Variants in LRP6 observed in about 807,000 individuals in gnomAD.
The protein encoded by LRP6 is LDL receptor related protein 6, also known as low-density lipoprotein receptor-related protein 6.
In LRP6, 43 loss-of-function variants were observed where a neutral mutation model predicts 184.1. The ratio of observed to expected loss-of-function variants is 0.23; its 90% CI spans 0.18 to 0.30. The LOEUF (loss-of-function observed/expected upper bound fraction) is 0.30, where lower values mean the gene tolerates loss of function less well. Among genes scored for constraint, LRP6 ranks in the 10% least tolerant of loss-of-function variants. LRP6 has a pLI of 1.00. For synonymous variants in LRP6, 719 were observed against 684.9 expected, an observed-to-expected ratio of 1.05 and a Z score of -0.78; for missense variants, 1,571 against 2,005.3, an observed-to-expected ratio of 0.78 and a Z score of 4.14.
chr12:12,157,301 C>T (rs530333454), intron 12 of LRP6, among the ~76,000 whole-genome samples: 3 of 152,042 alleles, frequency 2.0e-5, no homozygotes, highest in South Asian at 4.2e-4. Context: ...ACATACATCT[C>T]GAATCCATCA....
chr12:12,254,527 CT>C (rs1200855123), intron 1 of LRP6, among the ~76,000 whole-genome samples: 1 of 152,146 alleles, frequency 6.6e-6, no homozygotes, highest in Non-Finnish European at 1.5e-5. Flanking sequence ...TTATCTTTTT[CT>C]CCCCCGTCTT....
chr12:12,162,441 T>C (rs745771799), intron 9 of LRP6, 22 bp from the exon 10 acceptor site: 2 of 1,576,180 alleles, frequency 1.3e-6, no homozygotes, highest in Non-Finnish European at 1.7e-6. Flanking sequence ...CATTAACAAC[T>C]AAGTCATATG....
At chr12:12,229,734 A>G (rs1367354199) in intron 2 of LRP6, among the ~76,000 whole-genome samples, 1 of 152,230 alleles carries the variant, frequency 6.6e-6, no homozygotes, top group Non-Finnish European at 1.5e-5. Context: ...AAAGTGTGTG[A>G]TAAATATCTC....
At chr12:12,198,807 T>C in intron 3 of LRP6, among the ~76,000 whole-genome samples, 1 of 152,186 alleles carries the variant, frequency 6.6e-6, no homozygotes, top group African/African-American at 2.4e-5. Context: ...GTGCTGGGAT[T>C]ATAGGCGTGA....
intron 2 of LRP6, among the ~76,000 whole-genome samples, chr12:12,207,722 G>A (rs186748589): frequency 1.3e-5 from 2 of 152,092 alleles, no homozygotes; most frequent in South Asian, 2.1e-4. Flanking sequence ...GTCTGCATGT[G>A]TAACGCTACA....
intron 17 of LRP6, 90 bp downstream of exon 17, chr12:12,135,085 C>A: frequency 1.9e-6 from 3 of 1,587,912 alleles, no homozygotes; most frequent in South Asian, 1.1e-5. Context: ...GTAGACAGAG[C>A]AACTTCAATG....
intron 7 of LRP6, among the ~76,000 whole-genome samples, chr12:12,178,905 A>C (rs1284181278): frequency 6.6e-6 from 1 of 152,134 alleles, no homozygotes; most frequent in East Asian, 1.9e-4. Flanking sequence ...TGGGCACTCT[A>C]CAGAATACCT....
At chr12:12,195,327 A>T (rs147196039) in intron 3 of LRP6, among the ~76,000 whole-genome samples, 1 of 152,130 alleles carries the variant, frequency 6.6e-6, no homozygotes, top group Admixed American at 6.5e-5. Flanking sequence ...ACAGTGTATA[A>T]GAGTTCCCTT....
chr12:12,183,768 T>C (rs985128685), intron 5 of LRP6, among the ~76,000 whole-genome samples: 17 of 152,210 alleles, frequency 1.1e-4, no homozygotes, highest in African/African-American at 3.9e-4. Context: ...TTCAAAAATA[T>C]GTTATTTAAA....
At chr12:12,244,709 C>A in intron 1 of LRP6, 54 bp from the exon 2 acceptor site, 2 of 1,572,696 alleles carry the variant, frequency 1.3e-6, no homozygotes, top group Non-Finnish European at 1.7e-6. Context: ...CGTATTGGTT[C>A]TTATAAACTG....
At chr12:12,248,374 A>G (rs1865239811) in intron 1 of LRP6, among the ~76,000 whole-genome samples, 1 of 149,194 alleles carries the variant, frequency 6.7e-6, no homozygotes, top group African/African-American at 2.5e-5. Context: ...TTCATTAGCT[A>G]TTACTCTTTT....
chr12:12,137,269 G>A lies in LRP6; in HGVS notation c.3607+1056C>T, dbSNP rs370714554. 1.8e-4 allele frequency among the ~76,000 whole-genome samples: 28 copies of A among 152,230 alleles called. No homozygotes were observed. The South Asian group carries it at 5.8e-3, about 32-fold the overall frequency. ...CCGGTACCATCATGTATGATCAACA[G>A]TAGTGACTGCTAGGAAGGCACTTTT... On this transcript the variant is annotated intron_variant, in intron 16 of 22. Coordinates refer to ENST00000261349, the MANE Select transcript of LRP6 (RefSeq NM_002336.3).
chr12:12,143,954 C>T (rs771857120), intron 15 of LRP6, among the ~76,000 whole-genome samples: 11 of 152,012 alleles, frequency 7.2e-5, no homozygotes, highest in Non-Finnish European at 1.5e-4. Flanking sequence ...GTACGTTGTA[C>T]GCATTAAGTA....
chr12:12,200,840 A>C (rs1392977190), intron 3 of LRP6, among the ~76,000 whole-genome samples: 1 of 152,208 alleles, frequency 6.6e-6, no homozygotes, highest in African/African-American at 2.4e-5. Flanking sequence ...CACGTCATTT[A>C]TAAGTGATTC....
chr12:12,131,509 A>C (rs1425497465), intron 18 of LRP6, among the ~76,000 whole-genome samples: 1 of 152,226 alleles, frequency 6.6e-6, no homozygotes, highest in East Asian at 1.9e-4. Context: ...TGAAGAATAT[A>C]AAATATGTTA....
rs531456447 is a variant in LRP6, at chr12:12,261,952, A to G, written c.55+4729T>C. ...TTATATAACAAGCCTCCTCAAAAAA[A>G]GCTAAAAAGGCCAGGCGCGGTGGCT... On this transcript the variant is annotated intron_variant, in intron 1 of 22. Transcript: ENST00000261349. 3.6e-4 allele frequency among the ~76,000 whole-genome samples: 55 copies of G among 152,338 alleles called. No homozygotes were observed. The South Asian group carries it at 0.011, about 30-fold the overall frequency.
intron 21 of LRP6, 143 bp from the exon 22 acceptor site, chr12:12,124,805 C>A (rs1949651426): frequency 1.6e-6 from 1 of 628,314 alleles, no homozygotes; most frequent in South Asian, 2.1e-5. Flanking sequence ...GAATTGACCT[C>A]AAACAGTACT....
chr12:12,181,242 A>G lies in LRP6; in HGVS notation c.1174T>C (p.Ser392Pro). 6.2e-7 allele frequency: 1 copy of G among 1,614,138 alleles called. No homozygotes were observed. Among genetic ancestry groups the G allele is most frequent in the African/African-American group, 1.3e-5 (1 of 75,052 alleles). Residue 392 changes from serine to proline, a missense_variant, in exon 6 of 23, where the codon TCT becomes CCT. Physicochemically the swap from Ser to Pro is moderately conservative, Grantham distance 74. Around this residue, in one of 4 missense-constraint regions of LRP6, gnomAD observed 640 missense variants for 851.9 expected, o/e 0.75. Coordinates refer to ENST00000261349, the MANE Select transcript of LRP6 (RefSeq NM_002336.3). ...RAIRRSFIDGSGSQFVVTAQI... is the reference protein window; with the variant it reads ...RAIRRSFIDGPGSQFVVTAQI... The stretch of plus-strand genomic sequence containing the variant: ...GCAGTGACCACAAACTGACTGCCAG[A>G]TCCATCTATAAATGAACGGCGTATG...
chr12:12,125,804 C>T (rs908201354), intron 20 of LRP6, among the ~76,000 whole-genome samples: 4 of 151,774 alleles, frequency 2.6e-5, no homozygotes, highest in Admixed American at 6.6e-5. Flanking sequence ...CAAAAGAAAA[C>T]AAAAAAACAT....
Sources: allele counts gnomAD v4.1 joint callset (sites outside exome capture counted in the v4.1 genomes callset), GRCh38; gene constraint gnomAD v4.1.1; regional missense constraint gnomAD v4.1.1; transcripts MANE v1.5; gene names NCBI Gene and HGNC (gene_info 2026-07-23, HGNC 2026-07-21).